The following ANK2 variants were observed in gnomAD, a reference collection of about 807,000 sequenced individuals.
ANK2 encodes ankyrin 2, also known as ankyrin-2.
Under a neutral mutation model 360.5 loss-of-function variants are expected in ANK2, and 83 were observed. The ratio of observed to expected loss-of-function variants is 0.23; its 90% CI spans 0.19 to 0.28. The LOEUF (loss-of-function observed/expected upper bound fraction) is 0.28, where lower values mean the gene tolerates loss of function less well. Among genes scored for constraint, ANK2 ranks in the 10% least tolerant of loss-of-function variants. The pLI, the probability that ANK2 is intolerant of heterozygous loss-of-function variation, is 1.00. For missense variants in ANK2, 4,201 were observed against 4,795.7 expected, an observed-to-expected ratio of 0.88 and a Z score of 3.66; for synonymous variants, 1,740 against 1,759.5, an observed-to-expected ratio of 0.99 and a Z score of 0.28.
chr4:113,045,143 G>A (rs575887772), upstream of ANK2, among the ~76,000 whole-genome samples: 54 of 152,214 alleles, frequency 3.5e-4, no homozygotes, highest in Non-Finnish European at 6.8e-4. Context: ...CTCAAATAAT[G>A]TTATGAATTT....
At chr4:113,191,243 G>A (rs970319238) in intron 2 of ANK2, among the ~76,000 whole-genome samples, 2 of 152,030 alleles carry the variant, frequency 1.3e-5, no homozygotes, top group African/African-American at 4.8e-5. Context: ...CTCGGGAGAC[G>A]GAGGCAGGAG....
chr4:112,802,986 A>G, the ANK2 span, among the ~76,000 whole-genome samples: 4 of 152,152 alleles, frequency 2.6e-5, no homozygotes, highest in African/African-American at 9.7e-5. Flanking sequence ...GTGGTTATTT[A>G]TAGCCTGTGT....
chr4:113,319,146 A>G (rs2084595231), intron 26 of ANK2, among the ~76,000 whole-genome samples: 1 of 152,204 alleles, frequency 6.6e-6, no homozygotes, highest in African/African-American at 2.4e-5. Context: ...GCAATCAGTC[A>G]GGTTCTCAGT....
chr4:113,167,460 T>C (rs1256472653), intron 1 of ANK2, among the ~76,000 whole-genome samples: 1 of 151,712 alleles, frequency 6.6e-6, no homozygotes, highest in East Asian at 1.9e-4. Context: ...CCACCGTGAC[T>C]GGCTAATTTT....
intron 1 of ANK2, among the ~76,000 whole-genome samples, chr4:112,874,838 A>T (rs1033455995): frequency 6.6e-6 from 1 of 152,094 alleles, no homozygotes; most frequent in Non-Finnish European, 1.5e-5. Flanking sequence ...ATTAGTAATT[A>T]TATCGATTGC....
At chr4:113,111,541 A>T (rs1341234906) in intron 1 of ANK2, among the ~76,000 whole-genome samples, 2 of 152,198 alleles carry the variant, frequency 1.3e-5, no homozygotes, top group Non-Finnish European at 2.9e-5. Context: ...AGGGCTAAGA[A>T]ATATACCCAG....
chr4:113,346,117 C>A (rs2094820878), intron 35 of ANK2, 95 bp downstream of exon 35: 3 of 1,454,168 alleles, frequency 2.1e-6, no homozygotes, highest in Non-Finnish European at 2.9e-6. Context: ...GCAAAAACAG[C>A]AATTGCTTTT....
chr4:113,120,734 A>AT (rs1227713042), intron 1 of ANK2, among the ~76,000 whole-genome samples: 1 of 152,024 alleles, frequency 6.6e-6, no homozygotes, highest in African/African-American at 2.4e-5. Flanking sequence ...CCAATTGGTG[A>AT]TTTTTCCTGA....
intron 20 of ANK2, 31 bp from the exon 21 acceptor site, chr4:113,292,385 G>A (rs772979146): frequency 1.9e-6 from 3 of 1,582,556 alleles, no homozygotes; most frequent in Middle Eastern, 3.3e-4. Flanking sequence ...TGCCAATCGG[G>A]TGCTGGGCCC....
At chr4:113,230,319 T>C (rs2099275827) in intron 4 of ANK2, among the ~76,000 whole-genome samples, 1 of 152,200 alleles carries the variant, frequency 6.6e-6, no homozygotes, top group South Asian at 2.1e-4. Flanking sequence ...TAAATAATGT[T>C]TCCACACTTA....
intron 2 of ANK2, among the ~76,000 whole-genome samples, chr4:112,965,146 C>T (rs941644169): frequency 6.6e-6 from 1 of 152,162 alleles, no homozygotes; most frequent in Non-Finnish European, 1.5e-5. Flanking sequence ...CTTTTCTCCA[C>T]ATCCTTGCTA....
upstream of ANK2, chr4:113,049,640 G>A: frequency 6.6e-7 from 1 of 1,523,960 alleles, no homozygotes; most frequent in Non-Finnish European, 8.9e-7. Flanking sequence ...TCCTCCTCCT[G>A]CTTTCCTCCA....
chr4:112,761,008 C>T, the ANK2 span, among the ~76,000 whole-genome samples: 3 of 151,734 alleles, frequency 2.0e-5, no homozygotes, highest in African/African-American at 7.3e-5. Context: ...AGGGTTTCAC[C>T]ATGTTGACCA....
intron 1 of ANK2, among the ~76,000 whole-genome samples, chr4:113,072,195 T>C (rs957734661): frequency 1.3e-5 from 2 of 152,210 alleles, no homozygotes; most frequent in African/African-American, 4.8e-5. Flanking sequence ...CTTTTGCCAT[T>C]ACCCTATAGA....
At chr4:112,865,388 C>T (rs375407127) in intron 1 of ANK2, among the ~76,000 whole-genome samples, 124 of 152,180 alleles carry the variant, frequency 8.1e-4, no homozygotes, top group African/African-American at 2.9e-3. Flanking sequence ...CAGAAATTCT[C>T]AATGATAATG....
chr4:112,978,440 C>T (rs551433393), intron 2 of ANK2, among the ~76,000 whole-genome samples: 1 of 152,200 alleles, frequency 6.6e-6, no homozygotes, highest in African/African-American at 2.4e-5. Flanking sequence ...TTTCATTTTC[C>T]CAAACTGAAA....
At chr4:113,171,050 T>G (rs1307360854) in intron 1 of ANK2, among the ~76,000 whole-genome samples, 1 of 152,208 alleles carries the variant, frequency 6.6e-6, no homozygotes, top group Non-Finnish European at 1.5e-5. Flanking sequence ...AAGAAGTTGC[T>G]TTTGCCTCAT....
chr4:112,837,928 A>G (rs1179655909), intron 1 of ANK2, among the ~76,000 whole-genome samples: 1 of 152,174 alleles, frequency 6.6e-6, no homozygotes, highest in Non-Finnish European at 1.5e-5. Context: ...TTTTGAGTTA[A>G]TGCTGGGATG....
intron 24 of ANK2, among the ~76,000 whole-genome samples, chr4:113,314,874 G>A (rs567185023): frequency 6.5e-4 from 99 of 152,216 alleles, no homozygotes; most frequent in African/African-American, 2.2e-3. Context: ...ATTTCAGAAG[G>A]CAGTAAGTAA....
Sources: gnomAD v4.1 joint callset for allele counts (sites outside exome capture counted in the v4.1 genomes callset) on GRCh38, gnomAD v4.1.1 for gene constraint, MANE v1.5 for transcripts, NCBI Gene and HGNC (gene_info 2026-07-23, HGNC 2026-07-21) for gene names.